HS3ST4: variants seen among roughly 807,000 people sequenced by gnomAD.
The protein encoded by HS3ST4 is heparan sulfate-glucosamine 3-sulfotransferase 4.
HS3ST4 carries 17 observed loss-of-function variants against 29.2 expected under a neutral mutation model. The observed-to-expected ratio is 0.58, with a 90% CI of 0.40 to 0.87. The LOEUF (loss-of-function observed/expected upper bound fraction) is 0.87, where lower values mean the gene tolerates loss of function less well. Among genes scored for constraint, HS3ST4 ranks in the 40% least tolerant of loss-of-function variants. The pLI, the probability that HS3ST4 is intolerant of heterozygous loss-of-function variation, is 0.00. For missense variants in HS3ST4, 627 were observed against 634.5 expected (o/e 0.99, Z 0.13); for synonymous variants, 314 against 285.7 (o/e 1.10, Z -1.00).
At chr16:26,088,159 C>T (rs1898812274) in intron 1 of HS3ST4, among the ~76,000 whole-genome samples, 1 of 152,196 alleles carries the variant, frequency 6.6e-6, no homozygotes, top group Admixed American at 6.5e-5. Flanking sequence ...CATGCTATGG[C>T]TGCATAATCT....
At chr16:26,107,620 A>G (rs974620720) in intron 1 of HS3ST4, among the ~76,000 whole-genome samples, 2 of 152,132 alleles carry the variant, frequency 1.3e-5, no homozygotes, top group Non-Finnish European at 2.9e-5. Flanking sequence ...CGTAGCTCCC[A>G]CTTACAAATG....
At position 25,758,693 on chromosome 16, in the gene HS3ST4, T is replaced by C. The variant is rs138178846; in HGVS notation, c.734+65542T>C. ...GTTTGATTTGAAGCTTGGTGGCTCA[T>C]GCCTGTAATCCCAGCACTTTGGGAG... is the stretch of plus-strand genomic sequence containing the variant. On this transcript the variant is annotated intron_variant, in intron 1 of 1. Transcript: ENST00000331351. Among the ~76,000 whole-genome samples the C allele has an allele frequency of 2.5e-3, 382 of 152,278 alleles. 2 individuals are homozygous for C. Among genetic ancestry groups the C allele is most frequent in the African/African-American group, 8.8e-3 (366 of 41,570 alleles).
intron 1 of HS3ST4, among the ~76,000 whole-genome samples, chr16:25,941,137 C>T (rs1367929927): frequency 6.6e-6 from 1 of 152,030 alleles, no homozygotes; most frequent in East Asian, 1.9e-4. Flanking sequence ...AACCCAATAC[C>T]CTGTTTTTTT....
intron 1 of HS3ST4, among the ~76,000 whole-genome samples, chr16:25,999,814 T>A (rs1160465374): frequency 1.4e-4 from 18 of 132,968 alleles, no homozygotes; most frequent in South Asian, 6.8e-4. Flanking sequence ...TATGTATATT[T>A]TATATATATA....
At chr16:26,070,717 A>G (rs1898593021) in intron 1 of HS3ST4, among the ~76,000 whole-genome samples, 2 of 152,312 alleles carry the variant, frequency 1.3e-5, no homozygotes, top group African/African-American at 2.4e-5. Context: ...CATTTTCTGT[A>G]TATCCAGTTG....
chr16:25,865,923 A>T (rs7202736), intron 1 of HS3ST4, among the ~76,000 whole-genome samples: 19,845 of 152,134 alleles, frequency 0.13, 1,416 homozygotes, highest in East Asian at 0.25. Context: ...AAATTTTTTT[A>T]AAAATATAAC....
At chr16:25,829,606 G>A (rs973360830) in intron 1 of HS3ST4, among the ~76,000 whole-genome samples, 2 of 152,010 alleles carry the variant, frequency 1.3e-5, no homozygotes, top group African/African-American at 2.4e-5. Flanking sequence ...GGTGTGTGAT[G>A]TTCCCTTCCC....
intron 1 of HS3ST4, among the ~76,000 whole-genome samples, chr16:26,042,354 C>CTGTGTGTG (rs71732983): frequency 1.3e-3 from 187 of 148,544 alleles, no homozygotes; most frequent in East Asian, 6.5e-3. Flanking sequence ...GCATTTATCT[C>CTGTGTGTG]TGTGTGTGTG....
intron 1 of HS3ST4, among the ~76,000 whole-genome samples, chr16:25,891,830 C>T (rs1477418850): frequency 1.3e-5 from 2 of 152,204 alleles, no homozygotes; most frequent in Non-Finnish European, 2.9e-5. Flanking sequence ...TAGAGTCAGA[C>T]TGCCTGGCTT....
intron 1 of HS3ST4, among the ~76,000 whole-genome samples, chr16:25,831,331 G>A (rs919616340): frequency 2.6e-5 from 4 of 151,640 alleles, no homozygotes; most frequent in African/African-American, 4.8e-5. Flanking sequence ...GGCAGGCCAA[G>A]TTGGGAGGAT....
intron 1 of HS3ST4, among the ~76,000 whole-genome samples, chr16:26,092,407 C>A (rs1182518396): frequency 6.6e-6 from 1 of 152,150 alleles, no homozygotes; most frequent in Non-Finnish European, 1.5e-5. Flanking sequence ...GTCCAGTCCC[C>A]ACTGCCCAAA....
intron 1 of HS3ST4, among the ~76,000 whole-genome samples, chr16:26,040,568 GT>G (rs1969628739): frequency 6.6e-6 from 1 of 151,954 alleles, no homozygotes; most frequent in East Asian, 1.9e-4. Context: ...GCCTCCCAAA[GT>G]GCAGGGATTA....
intron 1 of HS3ST4, among the ~76,000 whole-genome samples, chr16:25,722,563 G>C (rs1225183038): frequency 6.6e-6 from 1 of 152,208 alleles, no homozygotes; most frequent in Non-Finnish European, 1.5e-5. Context: ...TGTCACCTGG[G>C]AAAGGTCACA....
intron 1 of HS3ST4, among the ~76,000 whole-genome samples, chr16:26,009,693 C>T (rs1197229630): frequency 6.6e-6 from 1 of 152,224 alleles, no homozygotes; most frequent in African/African-American, 2.4e-5. Flanking sequence ...CTCTTATAGT[C>T]TTACACCCAG....
chr16:25,912,553 C>T (rs4238928), intron 1 of HS3ST4, among the ~76,000 whole-genome samples: 86,128 of 151,948 alleles, frequency 0.57, 24,867 homozygotes, highest in East Asian at 0.79. Context: ...CTTCATTTAC[C>T]GACTTCCTCC....
At chr16:25,695,858 T>C (rs1966292127) in intron 1 of HS3ST4, among the ~76,000 whole-genome samples, 1 of 152,220 alleles carries the variant, frequency 6.6e-6, no homozygotes, top group Non-Finnish European at 1.5e-5. Context: ...CAGTAGCCTA[T>C]GAATTCTGCA....
At chr16:25,851,384 G>C (rs1194778306) in intron 1 of HS3ST4, among the ~76,000 whole-genome samples, 1 of 152,134 alleles carries the variant, frequency 6.6e-6, no homozygotes, top group African/African-American at 2.4e-5. Flanking sequence ...TGATATTACA[G>C]AGCGGGCTCT....
chr16:26,090,895 T>C (rs1389974353), intron 1 of HS3ST4, among the ~76,000 whole-genome samples: 1 of 152,074 alleles, frequency 6.6e-6, no homozygotes, highest in Non-Finnish European at 1.5e-5. Flanking sequence ...ATGAGGTGCA[T>C]GCCTGACTCC....
chr16:25,739,504 T>A (rs1295870445), intron 1 of HS3ST4, among the ~76,000 whole-genome samples: 1 of 150,842 alleles, frequency 6.6e-6, no homozygotes, highest in African/African-American at 2.5e-5. Flanking sequence ...ATGACATGCT[T>A]AAAAACAAAC....
Sources: gnomAD v4.1 joint callset for allele counts (sites outside exome capture counted in the v4.1 genomes callset) on GRCh38, gnomAD v4.1.1 for gene constraint, MANE v1.5 for transcripts, NCBI Gene and HGNC (gene_info 2026-07-23, HGNC 2026-07-21) for gene names.